ARHGAP29: variants seen among roughly 807,000 people sequenced by gnomAD.
ARHGAP29 encodes rho GTPase-activating protein 29.
Under a neutral mutation model 122.6 loss-of-function variants are expected in ARHGAP29, and 43 were observed. The ratio of observed to expected loss-of-function variants is 0.35; its 90% CI spans 0.27 to 0.45. ARHGAP29 has a LOEUF of 0.45. ARHGAP29 is among the 20% of genes least tolerant of loss of function. The pLI is 1.00. For synonymous variants in ARHGAP29, 506 were observed against 497.1 expected (o/e 1.02, Z -0.24); for missense variants, 1,303 against 1,477.2 (o/e 0.88, Z 1.93).
rs1189719715 is a variant in ARHGAP29 at position 94,179,712 on chromosome 1, A to G, written c.2480+13T>C. On this transcript the variant is annotated intron_variant, in intron 20 of 22. Coordinates refer to ENST00000260526, the MANE Select transcript of ARHGAP29 (RefSeq NM_004815.4). The stretch of plus-strand genomic sequence containing the variant: ...GCCCATTAATAAATGTTCTAGTTAT[A>G]TAAAATTCTTACCGCTTTAGATGTA... 9 of 1,539,822 alleles carry G rather than the reference A, an allele frequency of 5.8e-6. No individual in the cohort carries two copies. Among genetic ancestry groups the G allele is most frequent in the Non-Finnish European group, 8.0e-6 (9 of 1,123,982 alleles).
chr1:94,302,827 C>T, the ARHGAP29 span: 7 of 242,164 alleles, frequency 2.9e-5, no homozygotes, highest in South Asian at 4.2e-5. Context: ...AGGGGGCCAT[C>T]GGGGGCATCG....
chr1:94,257,294 C>T (rs1166798932), intron 1 of ARHGAP29, among the ~76,000 whole-genome samples: 11 of 151,784 alleles, frequency 7.2e-5, no homozygotes, highest in African/African-American at 1.5e-4. Context: ...CTCAGCTACC[C>T]GGGAGGCTGA....
At chr1:94,269,098 C>T (rs1654894554) in intron 1 of ARHGAP29, among the ~76,000 whole-genome samples, 1 of 152,116 alleles carries the variant, frequency 6.6e-6, no homozygotes, top group South Asian at 2.1e-4. Context: ...ATAGCTATTT[C>T]ATCACATATC....
upstream of ARHGAP29, chr1:94,237,778 G>T (rs879545564): frequency 1.0e-6 from 1 of 985,392 alleles, no homozygotes; most frequent in Admixed American, 6.1e-5. Context: ...CCAGCATCAC[G>T]GGCTGCGTCG....
intron 1 of ARHGAP29, among the ~76,000 whole-genome samples, chr1:94,251,266 G>A (rs1394071189): frequency 6.6e-6 from 1 of 151,578 alleles, no homozygotes; most frequent in East Asian, 1.9e-4. Context: ...CACCTCCCGG[G>A]TTCACGCCAT....
At chr1:94,186,629 C>T (rs1219343166) in intron 15 of ARHGAP29, 32 bp from the exon 16 acceptor site, 1 of 1,433,390 alleles carries the variant, frequency 7.0e-7, no homozygotes, top group Admixed American at 1.7e-5. Context: ...AATTACCTGA[C>T]CATTCATTGT....
chr1:94,243,540 A>G (rs1653683612), intron 1 of ARHGAP29, among the ~76,000 whole-genome samples: 1 of 152,086 alleles, frequency 6.6e-6, no homozygotes, highest in South Asian at 2.1e-4. Flanking sequence ...ATTACAAAGT[A>G]AAAGTCATGG....
the ARHGAP29 span, among the ~76,000 whole-genome samples, chr1:94,288,676 A>T: frequency 6.6e-6 from 1 of 152,174 alleles, no homozygotes; most frequent in Admixed American, 6.5e-5. Context: ...ATTTTTGTAT[A>T]AGGTGTAAGG....
At chr1:94,229,236 T>C (rs530089226) in intron 2 of ARHGAP29, among the ~76,000 whole-genome samples, 2 of 151,950 alleles carry the variant, frequency 1.3e-5, no homozygotes, top group South Asian at 2.1e-4. Flanking sequence ...TAGGGATACA[T>C]GTAATAATAC....
chr1:94,216,806 G>T (rs1017249686), intron 3 of ARHGAP29, among the ~76,000 whole-genome samples: 1 of 152,040 alleles, frequency 6.6e-6, no homozygotes, highest in Non-Finnish European at 1.5e-5. Context: ...ATAAATTACT[G>T]AGTTCTGAAG....
intron 11 of ARHGAP29, chr1:94,202,079 GCTT>G (rs1189389484): frequency 2.2e-6 from 1 of 451,826 alleles, no homozygotes; most frequent in Non-Finnish European, 3.8e-6. Flanking sequence ...TAAAATATTT[GCTT>G]CTATTTGAAA....
rs1431826637 is a variant in ARHGAP29, at chr1:94,208,693, C to T, written c.510+139G>A. 7.3e-6 allele frequency: 5 copies of T among 687,812 alleles called. No homozygotes were observed. In the South Asian group the frequency reaches 8.5e-5, roughly 12 times the overall value. The allele number at this position is 687,812 out of a possible 1,614,324, so 42.6% of individuals were successfully genotyped here. A position where few individuals can be genotyped will look rare whatever the true frequency, so the allele number is the denominator to read the frequency against. On this transcript the variant is annotated intron_variant, in intron 5 of 22. Coordinates refer to ENST00000260526, the MANE Select transcript of ARHGAP29 (RefSeq NM_004815.4). ...CAGGCTGGTCTCAAACTCCTGACTT[C>T]AGACAATCCGCCCACCTCGGCCTCC...
chr1:94,295,097 G>A, the ARHGAP29 span, among the ~76,000 whole-genome samples: 2 of 152,182 alleles, frequency 1.3e-5, no homozygotes, highest in Non-Finnish European at 2.9e-5. Context: ...ATTACTAGGG[G>A]AAAGGGAGAA....
At chr1:94,296,265 A>T in the ARHGAP29 span, among the ~76,000 whole-genome samples, 1 of 152,090 alleles carries the variant, frequency 6.6e-6, no homozygotes, top group African/African-American at 2.4e-5. Flanking sequence ...CCTGCTAGTC[A>T]CTTAGTAGCT....
intron 3 of ARHGAP29, among the ~76,000 whole-genome samples, chr1:94,217,601 G>GTAATC (rs1652027377): frequency 1.3e-5 from 2 of 151,904 alleles, no homozygotes; most frequent in African/African-American, 2.4e-5. Flanking sequence ...CATTTTAGAG[G>GTAATC]CCAAGGTGGG....
At chr1:94,178,253 G>GGGTGGAT (rs1454636700) in intron 20 of ARHGAP29, 86 bp from the exon 21 acceptor site, 1 of 1,311,274 alleles carries the variant, frequency 7.6e-7, no homozygotes, top group Non-Finnish European at 1.0e-6. Context: ...AGAGGGTGGA[G>GGGTGGAT]GGAAAATGAG....
At chr1:94,210,377 TA>T (rs1651509086) in intron 3 of ARHGAP29, among the ~76,000 whole-genome samples, 1 of 152,212 alleles carries the variant, frequency 6.6e-6, no homozygotes, top group Non-Finnish European at 1.5e-5. Flanking sequence ...TCAGATTTCA[TA>T]GGTACGTGGT....
intron 5 of ARHGAP29, among the ~76,000 whole-genome samples, chr1:94,207,449 T>C (rs1437530054): frequency 1.3e-5 from 2 of 152,112 alleles, no homozygotes; most frequent in South Asian, 2.1e-4. Flanking sequence ...AAGAAAAAAG[T>C]ATTTTTTCCT....
chr1:94,272,458 G>A (rs1655028978), intron 1 of ARHGAP29, among the ~76,000 whole-genome samples: 1 of 152,182 alleles, frequency 6.6e-6, no homozygotes, highest in Non-Finnish European at 1.5e-5. Context: ...TGGATAACCA[G>A]GTGCAAGGAG....
Sources: allele counts gnomAD v4.1 joint callset (sites outside exome capture counted in the v4.1 genomes callset), GRCh38; gene constraint gnomAD v4.1.1; transcripts MANE v1.5; gene names NCBI Gene and HGNC (gene_info 2026-07-23, HGNC 2026-07-21).